The following ANTXR1 variants were observed in gnomAD, a reference collection of about 807,000 sequenced individuals.
ANTXR1 encodes the protein anthrax toxin receptor 1.
A neutral mutation model predicts 78.1 loss-of-function variants in ANTXR1; 19 were observed. The observed-to-expected ratio is 0.24, with a 90% CI of 0.17 to 0.36. The LOEUF (loss-of-function observed/expected upper bound fraction) is 0.36, where lower values mean the gene tolerates loss of function less well. ANTXR1 is among the 10% of genes least tolerant of loss of function. The pLI, the probability that ANTXR1 is intolerant of heterozygous loss-of-function variation, is 1.00. For missense variants in ANTXR1, 518 were observed against 718.6 expected (o/e 0.72, Z 3.19); for synonymous variants, 273 against 260.5 (o/e 1.05, Z -0.46).
intron 15 of ANTXR1, chr2:69,182,111 C>T: frequency 3.5e-6 from 2 of 577,206 alleles, no homozygotes; most frequent in South Asian, 2.0e-5. Context: ...ATAGGAGGGA[C>T]AGCCTTTCAC....
At chr2:69,166,499 T>C (rs753777184) in intron 13 of ANTXR1, among the ~76,000 whole-genome samples, 2 of 152,146 alleles carry the variant, frequency 1.3e-5, no homozygotes, top group African/African-American at 2.4e-5. Flanking sequence ...AGGAGGCAAA[T>C]GGTCACTTTC....
At chr2:69,196,060 A>G (rs2104479291) in intron 17 of ANTXR1, among the ~76,000 whole-genome samples, 1 of 152,358 alleles carries the variant, frequency 6.6e-6, no homozygotes, top group South Asian at 2.1e-4. Flanking sequence ...GGTTATATAA[A>G]TCCAAGAACA....
At chr2:69,163,877 A>AATT (rs1193977820) in intron 13 of ANTXR1, among the ~76,000 whole-genome samples, 1 of 152,226 alleles carries the variant, frequency 6.6e-6, no homozygotes. Context: ...TGTAATGGTT[A>AATT]ATGTTATATG....
chr2:69,020,065 G>A (rs531185544), intron 1 of ANTXR1, among the ~76,000 whole-genome samples: 4 of 152,228 alleles, frequency 2.6e-5, no homozygotes, highest in African/African-American at 9.6e-5. Flanking sequence ...CTTTATAATA[G>A]AACAATTTAT....
intron 17 of ANTXR1, among the ~76,000 whole-genome samples, chr2:69,206,799 G>A (rs1393265834): frequency 6.6e-6 from 1 of 152,296 alleles, no homozygotes; most frequent in Non-Finnish European, 1.5e-5. Context: ...CTCATCAGCT[G>A]CACTAGTGTG....
intron 10 of ANTXR1, among the ~76,000 whole-genome samples, chr2:69,106,727 A>G (rs1424926332): frequency 6.6e-6 from 1 of 152,202 alleles, no homozygotes; most frequent in East Asian, 1.9e-4. Flanking sequence ...TACAGAGGCC[A>G]TGCACCTTCA....
At chr2:69,091,220 C>T (rs1489700853) in intron 9 of ANTXR1, among the ~76,000 whole-genome samples, 4 of 151,908 alleles carry the variant, frequency 2.6e-5, no homozygotes, top group African/African-American at 9.7e-5. Flanking sequence ...CAGGCAGAGC[C>T]CTTGAGGTAA....
In ANTXR1 at chr2:69,013,712, G is replaced by A; in HGVS notation, c.152+61G>A. ...AAGCGGGCGAAAACGCTTTCGCCCC[G>A]GGCCGGGCTCGTTGGCAGGGTCGCC... On this transcript the variant is annotated intron_variant, in intron 1 of 17. Transcript: ENST00000303714. The surrounding 1 kb of genome is among the most constrained non-coding windows in gnomAD (Gnocchi z 5.0). 6.4e-7 allele frequency: 1 copy of A among 1,550,922 alleles called. No homozygotes were observed. The highest frequency in any genetic ancestry group is 8.7e-7 in the Non-Finnish European group (1 of 1,146,600).
chr2:69,130,382 C>A (rs1558581180), intron 12 of ANTXR1, among the ~76,000 whole-genome samples: 1 of 152,168 alleles, frequency 6.6e-6, no homozygotes, highest in Non-Finnish European at 1.5e-5. Context: ...TTGAGCGGAT[C>A]CATGTCATAT....
chr2:69,161,828 GT>G (rs1673690446), intron 13 of ANTXR1, among the ~76,000 whole-genome samples: 1 of 152,122 alleles, frequency 6.6e-6, no homozygotes, highest in Non-Finnish European at 1.5e-5. Context: ...ACATAACTCT[GT>G]TCTGGTGGCT....
chr2:69,246,262 C>CAGGAGGCGGCGAGGAGG lies in ANTXR1; in HGVS notation c.*777_*778insAGGAGGCGGCGAGGAGG. 1 of 152,328 alleles carries CAGGAGGCGGCGAGGAGG rather than the reference C, an allele frequency of 6.6e-6. No homozygotes were observed. The allele number at this position is 152,328 out of a possible 1,614,324, so 9.4% of individuals were successfully genotyped here. A position where few individuals can be genotyped will look rare whatever the true frequency, so the allele number is the denominator to read the frequency against. ...ACAGGCCATCAGCAGCTAGAGGTGGCTGGCTTTGGCCAGACATGGACCCTA... is the reference window on the plus strand; with the variant it reads ...ACAGGCCATCAGCAGCTAGAGGTGGCAGGAGGCGGCGAGGAGGTGGCTTTGGCCAGACATGGACCCTA... On this transcript the variant is annotated 3_prime_UTR_variant, in exon 18 of 18. Coordinates refer to ENST00000303714, the MANE Select transcript of ANTXR1 (RefSeq NM_032208.3).
rs138050449 is a variant in ANTXR1 at position 69,168,557 on chromosome 2, T to C, written c.1048-1691T>C. ...ATATGCTGCCCTCTCAACATCTGTC[T>C]CTTCCCAAACATCCTGTTCCCCCTC... On this transcript the variant is annotated intron_variant, in intron 13 of 17. Coordinates refer to ENST00000303714, the MANE Select transcript of ANTXR1 (RefSeq NM_032208.3). Among the ~76,000 whole-genome samples the C allele has an allele frequency of 2.5e-3, 376 of 152,246 alleles. 1 individual carries two copies. Among genetic ancestry groups the C allele is most frequent in the African/African-American group, 8.4e-3 (349 of 41,536 alleles).
At chr2:69,120,732 A>T (rs1672321236) in intron 10 of ANTXR1, among the ~76,000 whole-genome samples, 1 of 152,194 alleles carries the variant, frequency 6.6e-6, no homozygotes. Context: ...CACTGTCATC[A>T]TAAGCTTTAT....
chr2:69,176,283 T>C (rs1674117491), intron 14 of ANTXR1, among the ~76,000 whole-genome samples: 1 of 152,126 alleles, frequency 6.6e-6, no homozygotes, highest in African/African-American at 2.4e-5. Flanking sequence ...CGTAAACAGA[T>C]ATAATGGTGC....
chr2:69,069,115 G>T (rs1573836334), intron 3 of ANTXR1, among the ~76,000 whole-genome samples: 1 of 152,118 alleles, frequency 6.6e-6, no homozygotes, highest in Admixed American at 6.5e-5. Flanking sequence ...TTTTCAGTTT[G>T]TCTTTTAAAA....
chr2:69,060,997 A>G (rs572086442), intron 3 of ANTXR1, among the ~76,000 whole-genome samples: 6 of 152,228 alleles, frequency 3.9e-5, no homozygotes, highest in Non-Finnish European at 8.8e-5. Context: ...ATAGAAGGGA[A>G]GGAAGAGTGG....
At chr2:69,130,665 T>C (rs910577439) in intron 12 of ANTXR1, among the ~76,000 whole-genome samples, 2 of 152,174 alleles carry the variant, frequency 1.3e-5, no homozygotes, top group Admixed American at 6.5e-5. Flanking sequence ...TAATAGTCTG[T>C]TCAAAAAATG....
At chr2:69,105,082 T>G (rs1446547896) in intron 10 of ANTXR1, among the ~76,000 whole-genome samples, 1 of 152,118 alleles carries the variant, frequency 6.6e-6, no homozygotes, top group African/African-American at 2.4e-5. Context: ...TGAGACCCCA[T>G]CCAAATAATA....
At chr2:69,056,000 C>T (rs1403178355) in intron 3 of ANTXR1, among the ~76,000 whole-genome samples, 1 of 152,162 alleles carries the variant, frequency 6.6e-6, no homozygotes, top group Non-Finnish European at 1.5e-5. Context: ...CATGAATTAA[C>T]ATATGGAAAG....
Sources: allele counts gnomAD v4.1 joint callset (sites outside exome capture counted in the v4.1 genomes callset), GRCh38; gene constraint gnomAD v4.1.1; non-coding constraint Gnocchi (gnomAD v3.1); transcripts MANE v1.5; gene names NCBI Gene and HGNC (gene_info 2026-07-23, HGNC 2026-07-21).